Variants in ALDH7A1 observed in about 807,000 individuals in gnomAD.
ALDH7A1 encodes aldehyde dehydrogenase 7 family member A1.
Under a neutral mutation model 79.9 loss-of-function variants are expected in ALDH7A1, and 63 were observed. The ratio of observed to expected loss-of-function variants is 0.79; its 90% CI spans 0.64 to 0.97. The LOEUF (loss-of-function observed/expected upper bound fraction) is 0.97, where lower values mean the gene tolerates loss of function less well. ALDH7A1 is among the 50% of genes least tolerant of loss of function. The probability of loss-of-function intolerance (pLI) is 0.00; values close to 1 mark genes in which losing one functional copy is unlikely to be tolerated. For synonymous variants in ALDH7A1, 240 were observed against 231.2 expected (o/e 1.04, Z -0.34); for missense variants, 627 against 665.2 (o/e 0.94, Z 0.63).
chr5:126,568,210 C>A, intron 9 of ALDH7A1, 49 bp downstream of exon 9: 1 of 1,574,464 alleles, frequency 6.4e-7, no homozygotes. Flanking sequence ...TTAGATTTCA[C>A]CTCCATATTT....
chr5:126,572,747 C>G (rs1460602365), intron 7 of ALDH7A1, among the ~76,000 whole-genome samples: 1 of 152,148 alleles, frequency 6.6e-6, no homozygotes, highest in Admixed American at 6.6e-5. Flanking sequence ...AGGCTTTAAG[C>G]CAAGGTAACC....
chr5:126,564,756 A>G (rs1750512647), intron 9 of ALDH7A1, among the ~76,000 whole-genome samples: 1 of 152,136 alleles, frequency 6.6e-6, no homozygotes, highest in East Asian at 1.9e-4. Flanking sequence ...GAAGAGAAGG[A>G]AGGAAACGGA....
At chr5:126,575,720 G>C (rs1475946621) in intron 6 of ALDH7A1, among the ~76,000 whole-genome samples, 2 of 152,154 alleles carry the variant, frequency 1.3e-5, no homozygotes, top group Non-Finnish European at 2.9e-5. Context: ...CTGATCGCAG[G>C]AATCACTACA....
At chr5:126,586,245 C>G (rs540564917) in intron 3 of ALDH7A1, 8 of 152,310 alleles carry the variant, frequency 5.3e-5, no homozygotes, top group African/African-American at 1.7e-4. Flanking sequence ...AAACAGGAAA[C>G]AAAAACCTGT....
At position 126,542,058 on chromosome 5, in the gene ALDH7A1, G is replaced by A. The variant is rs1040134819; in HGVS notation, c.*2907C>T. The A allele has an allele frequency of 6.6e-6, 1 of 150,874 alleles. No individual in the cohort carries two copies. 9.3% of individuals were successfully genotyped at this position (150,874 alleles called of 1,614,324 possible). On this transcript the variant is annotated 3_prime_UTR_variant, in exon 18 of 18. Transcript: ENST00000409134. ...ATATGGGGATAAAGTTCTTCCCCTTGGATAGGAGAGGTTTCGTTTGGTTTT... is the reference window on the plus strand; with the variant it reads ...ATATGGGGATAAAGTTCTTCCCCTTAGATAGGAGAGGTTTCGTTTGGTTTT...
Position 126,570,778 on chromosome 5 carries a change from C to A in ALDH7A1, c.773+4G>T, listed in dbSNP as rs1282112873. 6.2e-7 allele frequency: 1 copy of A among 1,613,778 alleles called. No homozygotes were observed. The highest frequency in any genetic ancestry group is 1.3e-5 in the African/African-American group (1 of 74,912). On this transcript the variant is annotated splice_donor_region_variant and intron_variant, in intron 8 of 17. Coordinates refer to ENST00000409134, the MANE Select transcript of ALDH7A1 (RefSeq NM_001182.5). Reference sequence around the variant, plus strand: ...CAGAGGATGCTCTCAGCCTAGTAACCTACCCAATATCTGCTCCACCACAAG... The same window carrying A: ...CAGAGGATGCTCTCAGCCTAGTAACATACCCAATATCTGCTCCACCACAAG...
intron 3 of ALDH7A1, among the ~76,000 whole-genome samples, chr5:126,585,228 G>A (rs1040517220): frequency 6.6e-6 from 1 of 152,176 alleles, no homozygotes; most frequent in Admixed American, 6.5e-5. Flanking sequence ...AACCCCGGAG[G>A]GGGAGGTTGC....
At chr5:126,569,286 T>C (rs1315862924) in intron 8 of ALDH7A1, 3 of 152,136 alleles carry the variant, frequency 2.0e-5, no homozygotes, top group Non-Finnish European at 2.9e-5. Flanking sequence ...CATGGAAAAA[T>C]TGTCTTCCAC....
intron 9 of ALDH7A1, chr5:126,561,900 T>C (rs1166961900): frequency 6.6e-6 from 1 of 152,104 alleles, no homozygotes; most frequent in Non-Finnish European, 1.5e-5. Flanking sequence ...AGCCCAGGAA[T>C]TTGAGACAAC....
chr5:126,593,334 C>T lies in ALDH7A1; in HGVS notation c.246+17G>A, dbSNP rs1561672953. On this transcript the variant is annotated intron_variant, in intron 2 of 17. Coordinates refer to ENST00000409134, the MANE Select transcript of ALDH7A1 (RefSeq NM_001182.5). ...ACACACACACACACACACACACACA[C>T]ACACACACACTCTTACCTGTCGGAC... 6.2e-7 allele frequency: 1 copy of T among 1,612,026 alleles called. No homozygotes were observed. The highest frequency in any genetic ancestry group is 1.1e-5 in the South Asian group (1 of 90,946).
chr5:126,595,155 G>A lies in ALDH7A1; in HGVS notation c.44C>T (p.Thr15Ile), dbSNP rs1410992204. Reference sequence around the variant, plus strand: ...GCTCCAAGGTCCAGAGAGCTTGCTGGTCTTTGCAGCGTGCACACACAGCGC... The same window carrying A: ...GCTCCAAGGTCCAGAGAGCTTGCTGATCTTTGCAGCGTGCACACACAGCGC... ...PRALCVHAAK[T>I]SKLSGPWSRP... is the part of the protein sequence containing the mutation. The change falls in exon 1 of 18, where the codon ACC (threonine) becomes ATC (isoleucine). Residue 15 changes from threonine (T) to isoleucine (I), a missense_variant. By Grantham distance (89) the Thr-to-Ile change is moderately conservative. Transcript: ENST00000409134. 5.1e-6 allele frequency: 8 copies of A among 1,557,678 alleles called. No homozygotes were observed. The highest frequency in any genetic ancestry group is 7.0e-6 in the Non-Finnish European group (8 of 1,150,146).
chr5:126,558,166 C>CAAAAAA (rs35559498), intron 11 of ALDH7A1, among the ~76,000 whole-genome samples: 74 of 75,384 alleles, frequency 9.8e-4, no homozygotes, highest in East Asian at 2.5e-3. Context: ...GACTCCAACT[C>CAAAAAA]AAAAAAAAAA....
At chr5:126,591,092 T>C (rs1253447768) in intron 3 of ALDH7A1, among the ~76,000 whole-genome samples, 1 of 152,068 alleles carries the variant, frequency 6.6e-6, no homozygotes. Context: ...ACTAAATTTG[T>C]TTATCTTATT....
chr5:126,589,402 C>T (rs1409774469), intron 3 of ALDH7A1, among the ~76,000 whole-genome samples: 4 of 151,958 alleles, frequency 2.6e-5, no homozygotes, highest in African/African-American at 4.8e-5. Flanking sequence ...GGTGATCCGC[C>T]CACTTGGCCT....
In ALDH7A1 at chr5:126,584,652, T is replaced by G. The variant is rs1018803147; in HGVS notation, c.313-640A>C. On this transcript the variant is annotated intron_variant, in intron 3 of 17. Coordinates refer to ENST00000409134, the MANE Select transcript of ALDH7A1 (RefSeq NM_001182.5). ...TCCAGCCTGGGCAACAAAGTGACAC[T>G]CCATCTCAAAAAAAAAAAAAAAAAA... 3.7e-5 allele frequency among the ~76,000 whole-genome samples: 3 copies of G among 81,968 alleles called. 1 individual carries two copies. The highest frequency in any genetic ancestry group is 2.2e-4 in the African/African-American group (3 of 13,652). The allele number at this position is 81,968 out of a possible 152,430, so 53.8% of individuals were successfully genotyped here. A position where few individuals can be genotyped will look rare whatever the true frequency, so the allele number is the denominator to read the frequency against.
chr5:126,582,284 G>T (rs1751204194), intron 5 of ALDH7A1: 2 of 394,066 alleles, frequency 5.1e-6, no homozygotes, highest in South Asian at 1.4e-4. Context: ...TTTCTGATAT[G>T]AATCTATCGT....
intron 3 of ALDH7A1, chr5:126,591,834 C>G (rs1373934775): frequency 6.6e-6 from 1 of 152,284 alleles, no homozygotes; most frequent in Non-Finnish European, 1.5e-5. Flanking sequence ...GGTGGAGACT[C>G]AGAGACCAAG....
intron 7 of ALDH7A1, among the ~76,000 whole-genome samples, chr5:126,573,136 A>G (rs77537125): frequency 5.6e-5 from 8 of 143,734 alleles, no homozygotes; most frequent in Non-Finnish European, 1.0e-4. Flanking sequence ...AAAAAAAAAA[A>G]AGCTTAAAGC....
At chr5:126,561,245 C>T (rs532391167) in intron 9 of ALDH7A1, 121 bp from the exon 10 acceptor site, 3 of 732,616 alleles carry the variant, frequency 4.1e-6, no homozygotes, top group African/African-American at 3.6e-5. Flanking sequence ...TTTATATAGC[C>T]TATCCCAATC....
Sources: allele counts gnomAD v4.1 joint callset (sites outside exome capture counted in the v4.1 genomes callset), GRCh38; gene constraint gnomAD v4.1.1; transcripts MANE v1.5; gene names NCBI Gene and HGNC (gene_info 2026-07-23, HGNC 2026-07-21).